MEGF11: variants seen among roughly 807,000 people sequenced by gnomAD.
MEGF11 encodes multiple EGF like domains 11, also known as multiple epidermal growth factor-like domains protein 11.
MEGF11 carries 126 observed loss-of-function variants against 146.6 expected under a neutral mutation model. The observed-to-expected ratio is 0.86, with a 90% CI of 0.74 to 1.00. The LOEUF is 1.00. Ranked by LOEUF, MEGF11 falls within the 50% of genes least tolerant of loss-of-function variation. The pLI is 0.00. For synonymous variants in MEGF11, 532 were observed against 583.4 expected (o/e 0.91, Z 1.27); for missense variants, 1,509 against 1,521.2 (o/e 0.99, Z 0.13).
intron 1 of MEGF11, among the ~76,000 whole-genome samples, chr15:66,204,982 T>A (rs1237595245): frequency 2.2e-5 from 3 of 134,462 alleles, no homozygotes; most frequent in African/African-American, 3.2e-5. Flanking sequence ...GGGTTGAATT[T>A]TTTTTTTTTT....
At chr15:66,068,090 G>T (rs1550029) in intron 5 of MEGF11, among the ~76,000 whole-genome samples, 17,053 of 152,154 alleles carry the variant, frequency 0.11, 1,306 homozygotes, top group Middle Eastern at 0.18. Context: ...CTAGTTCATG[G>T]AAAAATAAAA....
At chr15:65,934,747 G>C (rs188581512) in intron 10 of MEGF11, among the ~76,000 whole-genome samples, 1 of 152,114 alleles carries the variant, frequency 6.6e-6, no homozygotes, top group Non-Finnish European at 1.5e-5. Flanking sequence ...CCCATGTAAC[G>C]AAGTCTCCAT....
chr15:66,253,686 G>A lies in MEGF11; in HGVS notation c.-90C>T, dbSNP rs2092408677. The A allele has an allele frequency of 6.9e-6, 1 of 145,940 alleles. No homozygotes were observed. The highest frequency in any genetic ancestry group is 1.6e-5 in the Non-Finnish European group (1 of 64,374). The allele number at this position is 145,940 out of a possible 1,614,324, so 9.0% of individuals were successfully genotyped here. A position where few individuals can be genotyped will look rare whatever the true frequency, so the allele number is the denominator to read the frequency against. ...GAGCCCGAGCCTGGCCAGAGCGCCA[G>A]GCAGGAGCAGGGGGCCGCGAGCAGC... is the stretch of plus-strand genomic sequence containing the variant. On this transcript the variant is annotated 5_prime_UTR_variant, in exon 1 of 26. Transcript: ENST00000395614.
chr15:66,119,752 G>A (rs371026995), intron 3 of MEGF11, among the ~76,000 whole-genome samples: 2 of 152,164 alleles, frequency 1.3e-5, no homozygotes, highest in East Asian at 1.9e-4. Context: ...GAGGAGCCTC[G>A]CATGCCATCC....
chr15:66,101,958 C>T (rs1476576947), intron 4 of MEGF11, among the ~76,000 whole-genome samples: 4 of 152,170 alleles, frequency 2.6e-5, no homozygotes, highest in Non-Finnish European at 4.4e-5. Context: ...CCTTGCAACG[C>T]TACTAATCGC....
Position 65,898,030 on chromosome 15 carries a change from G to A in MEGF11, c.3327C>T (p.Tyr1109=), listed in dbSNP as rs143310404. The A allele has an allele frequency of 1.2e-5, 19 of 1,613,834 alleles. No homozygotes were observed. Among genetic ancestry groups the A allele is most frequent in the Middle Eastern group, 3.3e-4 (2 of 6,084 alleles). ...GAATATGGCTGTTCCTAGGTAGGTC[G>A]TATGCATTCTGGATATAGCTGGAGT... The part of the protein sequence containing the change: ...GHNSSYIQNA[Y]DLPRNSHIPG... The change falls in exon 26 of 26, where the codon TAC becomes TAT. Residue 1109 remains tyrosine, a synonymous_variant. Coordinates refer to ENST00000395614, the MANE Select transcript of MEGF11 (RefSeq NM_001385028.1).
At chr15:66,139,375 T>C (rs955029660) in intron 1 of MEGF11, among the ~76,000 whole-genome samples, 11 of 152,192 alleles carry the variant, frequency 7.2e-5, no homozygotes, top group African/African-American at 2.7e-4. Context: ...TGATTAGTCG[T>C]TGTGTATTTC....
chr15:66,216,936 T>C lies in MEGF11; in HGVS notation c.-9+36669A>G, dbSNP rs546741520. Among the ~76,000 whole-genome samples, 152 of 152,368 alleles carry C rather than the reference T, an allele frequency of 1.0e-3. 1 individual carries two copies. The highest frequency in any genetic ancestry group is 3.5e-3 in the African/African-American group (147 of 41,586). On this transcript the variant is annotated intron_variant, in intron 1 of 25. Coordinates refer to ENST00000395614, the MANE Select transcript of MEGF11 (RefSeq NM_001385028.1). Reference sequence around the variant, plus strand: ...CTAAAGAGAAGGTGCTTTCAAAGGCTTGGCCCTCTTGCCTCAAGGCAGGGC... The same window carrying C: ...CTAAAGAGAAGGTGCTTTCAAAGGCCTGGCCCTCTTGCCTCAAGGCAGGGC...
At chr15:66,106,392 C>T (rs569452476) in intron 4 of MEGF11, among the ~76,000 whole-genome samples, 60 of 152,280 alleles carry the variant, frequency 3.9e-4, no homozygotes, top group Non-Finnish European at 7.1e-4. Context: ...TTACACACAG[C>T]AAAACCCAGC....
chr15:66,035,308 G>GC (rs2083687959), intron 5 of MEGF11, among the ~76,000 whole-genome samples: 1 of 152,014 alleles, frequency 6.6e-6, no homozygotes, highest in Non-Finnish European at 1.5e-5. Context: ...GCTGCCGCTG[G>GC]TGCTGCCACT....
chr15:66,248,376 C>T (rs1044526348), intron 1 of MEGF11, among the ~76,000 whole-genome samples: 4 of 152,172 alleles, frequency 2.6e-5, no homozygotes, highest in Admixed American at 6.5e-5. Flanking sequence ...GCCTTCATTC[C>T]CACTCCAATC....
chr15:66,015,931 G>A (rs2082869746), intron 5 of MEGF11, among the ~76,000 whole-genome samples: 2 of 151,386 alleles, frequency 1.3e-5, no homozygotes, highest in South Asian at 4.2e-4. Context: ...TGGGGTAGTG[G>A]GAGTTGGTGG....
intron 5 of MEGF11, among the ~76,000 whole-genome samples, chr15:66,069,112 C>A (rs1956860387): frequency 1.3e-5 from 2 of 152,168 alleles, no homozygotes; most frequent in Admixed American, 6.5e-5. Flanking sequence ...ATAATGGTAT[C>A]CAGTAGGATG....
At chr15:65,914,557 C>T (rs2078927566) in intron 19 of MEGF11, among the ~76,000 whole-genome samples, 1 of 152,038 alleles carries the variant, frequency 6.6e-6, no homozygotes. Flanking sequence ...CCCGCAGGAC[C>T]CCTCTTGGTT....
intron 23 of MEGF11, among the ~76,000 whole-genome samples, chr15:65,907,485 G>C (rs942125515): frequency 4.0e-5 from 6 of 151,896 alleles, no homozygotes; most frequent in African/African-American, 1.5e-4. Flanking sequence ...TTAACAGATG[G>C]GGTTTTACCA....
At chr15:65,980,532 G>C (rs1228912027) in intron 7 of MEGF11, among the ~76,000 whole-genome samples, 2 of 150,370 alleles carry the variant, frequency 1.3e-5, no homozygotes, top group African/African-American at 4.9e-5. Context: ...CCGAGTAGCT[G>C]AGATTACAGA....
At chr15:66,101,711 A>G (rs1298017063) in intron 4 of MEGF11, among the ~76,000 whole-genome samples, 2 of 152,212 alleles carry the variant, frequency 1.3e-5, no homozygotes, top group Non-Finnish European at 2.9e-5. Context: ...CTCTCCTCTC[A>G]TCAGGGCTCT....
rs765973342 is a variant in MEGF11, at chr15:65,922,943, G to A, written c.1702C>T (p.Pro568Ser). The change falls in exon 14 of 26, where the codon CCT becomes TCT. Residue 568 changes from proline (P) to serine (S), a missense_variant. Transcript: ENST00000395614. ...TGIRCDSTCP[P>S]GRWGPNCSVS... Reference sequence around the variant, plus strand: ...GAGCAGTTGGGGCCCCAGCGGCCAGGTGGACACGTGCTGTCACAGCGGATG... The same window carrying A: ...GAGCAGTTGGGGCCCCAGCGGCCAGATGGACACGTGCTGTCACAGCGGATG... 25 of 1,613,072 alleles carry A rather than the reference G, an allele frequency of 1.5e-5. No homozygotes were observed. The highest frequency in any genetic ancestry group is 2.1e-5 in the Non-Finnish European group (25 of 1,179,734).
chr15:66,198,851 C>G (rs774778391), intron 1 of MEGF11, among the ~76,000 whole-genome samples: 14 of 152,118 alleles, frequency 9.2e-5, no homozygotes, highest in Non-Finnish European at 1.3e-4. Context: ...TGGGCTCAAG[C>G]CATCCGCCTG....
Sources: allele counts gnomAD v4.1 joint callset (sites outside exome capture counted in the v4.1 genomes callset), GRCh38; gene constraint gnomAD v4.1.1; transcripts MANE v1.5; gene names NCBI Gene and HGNC (gene_info 2026-07-23, HGNC 2026-07-21).